The following SLC7A8 variants were observed in gnomAD, a reference collection of about 807,000 sequenced individuals.
SLC7A8 encodes the protein large neutral amino acids transporter small subunit 2.
In SLC7A8, 30 loss-of-function variants were observed where a neutral mutation model predicts 51.2. The observed-to-expected ratio is 0.59, with a 90% CI of 0.44 to 0.80. SLC7A8 has a LOEUF of 0.80. Ranked by LOEUF, SLC7A8 falls within the 30% of genes least tolerant of loss-of-function variation. The pLI is 0.00. For missense variants in SLC7A8, 612 were observed against 674.4 expected (o/e 0.91, Z 1.03); for synonymous variants, 257 against 275.8 (o/e 0.93, Z 0.67).
At chr14:23,142,436 G>A (rs1032876468) in intron 4 of SLC7A8, among the ~76,000 whole-genome samples, 2 of 152,252 alleles carry the variant, frequency 1.3e-5, no homozygotes, top group Non-Finnish European at 2.9e-5. Context: ...TTCAACAGAA[G>A]ATGCAGGGAG....
intron 6 of SLC7A8, 51 bp from the exon 7 acceptor site, chr14:23,138,075 C>T (rs769253355): frequency 3.1e-6 from 5 of 1,598,722 alleles, no homozygotes; most frequent in Non-Finnish European, 4.3e-6. Context: ...CACTCCCCGA[C>T]CCCTCAGCTC....
chr14:23,139,612 CA>C, intron 5 of SLC7A8, 65 bp from the exon 6 acceptor site: 1 of 1,554,666 alleles, frequency 6.4e-7, no homozygotes, highest in Non-Finnish European at 8.7e-7. Flanking sequence ...CCATGGAGTC[CA>C]GGGGGTGTCT....
intron 4 of SLC7A8, 126 bp downstream of exon 4, chr14:23,142,950 AGAG>A (rs1298310042): frequency 4.0e-5 from 49 of 1,218,448 alleles, no homozygotes; most frequent in Admixed American, 1.2e-4. Flanking sequence ...GGGAAGAAGA[AGAG>A]AAGTCACTCA....
chr14:23,143,301 GA>G, intron 3 of SLC7A8, 97 bp from the exon 4 acceptor site: 1 of 1,527,340 alleles, frequency 6.5e-7, no homozygotes, highest in Non-Finnish European at 8.9e-7. Flanking sequence ...TCCTGACGAT[GA>G]CATTGTAGTA....
rs138568883 is a variant in SLC7A8 at position 23,133,689 on chromosome 14, T to C, written c.1017-2132A>G. On this transcript the variant is annotated intron_variant, in intron 7 of 10. Coordinates refer to ENST00000316902, the MANE Select transcript of SLC7A8 (RefSeq NM_012244.4). ...TAAAAATACAAAAATTAGCCAGATGTGGTGGCACGTGCCTATAATCCCAGC... is the reference window on the plus strand; with the variant it reads ...TAAAAATACAAAAATTAGCCAGATGCGGTGGCACGTGCCTATAATCCCAGC... Among the ~76,000 whole-genome samples, 1,284 of 152,106 alleles carry C rather than the reference T, an allele frequency of 8.4e-3. 11 individuals carry two copies. Among genetic ancestry groups the C allele is most frequent in the East Asian group, 0.049 (254 of 5,162 alleles).
At chr14:23,142,222 G>T (rs564968234) in intron 4 of SLC7A8, among the ~76,000 whole-genome samples, 2 of 152,164 alleles carry the variant, frequency 1.3e-5, no homozygotes, top group African/African-American at 4.8e-5. Context: ...GACTTTCTCC[G>T]TGAGGCAGTG....
intron 1 of SLC7A8, among the ~76,000 whole-genome samples, chr14:23,180,511 A>G (rs1292221336): frequency 6.6e-6 from 1 of 152,166 alleles, no homozygotes; most frequent in Non-Finnish European, 1.5e-5. Flanking sequence ...AAGGATTCTC[A>G]TGTTTTGCAA....
intron 7 of SLC7A8, among the ~76,000 whole-genome samples, chr14:23,134,270 C>T (rs2048667139): frequency 6.6e-6 from 1 of 151,330 alleles, no homozygotes; most frequent in Admixed American, 6.6e-5. Context: ...AACCCTGTCT[C>T]TACAAAAAAT....
chr14:23,135,147 T>C (rs942320748), intron 7 of SLC7A8, among the ~76,000 whole-genome samples: 4 of 151,898 alleles, frequency 2.6e-5, no homozygotes, highest in Non-Finnish European at 1.5e-5. Context: ...GAGTGCAGTG[T>C]CACGATCTCG....
At chr14:23,173,054 T>C (rs917864910) in intron 1 of SLC7A8, among the ~76,000 whole-genome samples, 7 of 152,208 alleles carry the variant, frequency 4.6e-5, no homozygotes, top group Non-Finnish European at 8.8e-5. Flanking sequence ...TTTAGCAGTG[T>C]TAAGTATATT....
intron 3 of SLC7A8, among the ~76,000 whole-genome samples, chr14:23,160,218 T>C (rs4982737): frequency 0.81 from 122,591 of 152,068 alleles, 50,375 homozygotes; most frequent in Non-Finnish European, 0.87. Context: ...TCATTGTGGA[T>C]GCTTTGTTTA....
chr14:23,162,677 C>T lies in SLC7A8; in HGVS notation c.508+2608G>A, dbSNP rs79905694. Among the ~76,000 whole-genome samples, 147 of 152,184 alleles carry T rather than the reference C, an allele frequency of 9.7e-4. 4 individuals are homozygous for T. In the East Asian group the frequency reaches 0.027, roughly 28 times the overall value. Reference sequence around the variant, plus strand: ...CTGGAGCAGGGCTACAGGCAGGTGGCGTTCTTATCTCCTAGGAGAGTTTGG... The same window carrying T: ...CTGGAGCAGGGCTACAGGCAGGTGGTGTTCTTATCTCCTAGGAGAGTTTGG... On this transcript the variant is annotated intron_variant, in intron 3 of 10. Transcript: ENST00000316902.
At chr14:23,151,323 G>A (rs1374070735) in intron 3 of SLC7A8, among the ~76,000 whole-genome samples, 3 of 152,208 alleles carry the variant, frequency 2.0e-5, no homozygotes, top group African/African-American at 7.2e-5. Context: ...AGAAGCCACC[G>A]TGCTGCTCTA....
chr14:23,129,901 G>C (rs1443498922), intron 8 of SLC7A8, 102 bp from the exon 9 acceptor site: 1 of 1,299,676 alleles, frequency 7.7e-7, no homozygotes, highest in Non-Finnish European at 1.1e-6. Flanking sequence ...TGATGCCATC[G>C]TATAATGGAT....
intron 1 of SLC7A8, among the ~76,000 whole-genome samples, chr14:23,170,140 TATTTTACC>T (rs1008530871): frequency 1.3e-5 from 2 of 152,226 alleles, no homozygotes; most frequent in African/African-American, 2.4e-5. Context: ...ATATCATTCC[TATTTTACC>T]ATTGCAAAAA....
intron 4 of SLC7A8, among the ~76,000 whole-genome samples, chr14:23,141,674 G>A (rs1441410315): frequency 6.6e-6 from 1 of 152,050 alleles, no homozygotes; most frequent in Non-Finnish European, 1.5e-5. Flanking sequence ...GGTTGGTCTC[G>A]AATTCCTGAC....
chr14:23,138,121 AC>A (rs2048708388), intron 6 of SLC7A8, 97 bp from the exon 7 acceptor site: 2 of 1,416,996 alleles, frequency 1.4e-6, no homozygotes, highest in African/African-American at 1.4e-5. Context: ...TCCTATCTCC[AC>A]CCTTGCTAAT....
At chr14:23,177,535 T>C (rs568423850) in intron 1 of SLC7A8, among the ~76,000 whole-genome samples, 4 of 152,244 alleles carry the variant, frequency 2.6e-5, no homozygotes, top group Non-Finnish European at 5.9e-5. Context: ...AATTAAACAC[T>C]GTTAAATTTA....
rs59251315 is a variant in SLC7A8 at position 23,135,701 on chromosome 14, T to TAA, written c.1016+2218_1016+2219dup. 4.0e-3 allele frequency among the ~76,000 whole-genome samples: 592 copies of TAA among 148,814 alleles called. 4 individuals are homozygous for TAA. The highest frequency in any genetic ancestry group is 0.014 in the African/African-American group (553 of 40,562). On this transcript the variant is annotated intron_variant, in intron 7 of 10. Transcript: ENST00000316902. The stretch of plus-strand genomic sequence containing the variant: ...TGGGCGACAGAGCGAGACTCTGCCT[T>TAA]AAAAAAAAAAGAAAAATTTTAAGAG...
Sources: allele counts gnomAD v4.1 joint callset (sites outside exome capture counted in the v4.1 genomes callset), GRCh38; gene constraint gnomAD v4.1.1; transcripts MANE v1.5; gene names NCBI Gene and HGNC (gene_info 2026-07-23, HGNC 2026-07-21).